Variants in RASAL2 observed in about 807,000 individuals in gnomAD.
The protein encoded by RASAL2 is RAS protein activator like 2, also known as ras GTPase-activating protein nGAP.
In RASAL2, 58 loss-of-function variants were observed where a neutral mutation model predicts 128.9. That is an observed-to-expected ratio of 0.45 (90% CI 0.36 to 0.56). The LOEUF (loss-of-function observed/expected upper bound fraction) is 0.56. Among genes scored for constraint, RASAL2 ranks in the 20% least tolerant of loss-of-function variants. RASAL2 has a pLI of 0.00. For synonymous variants in RASAL2, 561 were observed against 580.8 expected (o/e 0.97, Z 0.49); for missense variants, 1,360 against 1,601.6 (o/e 0.85, Z 2.57).
chr1:178,458,478 G>C lies in RASAL2; in HGVS notation c.3186G>C (p.Gln1062His). The C allele has an allele frequency of 1.2e-6, 2 of 1,614,138 alleles. No individual in the cohort carries two copies. Among genetic ancestry groups the C allele is most frequent in the Non-Finnish European group, 1.7e-6 (2 of 1,180,018 alleles). Residue 1062 changes from glutamine to histidine, a missense_variant, in exon 14 of 18, where the codon CAG becomes CAC. By Grantham distance (24) the Gln-to-His change is conservative. Around this residue, in one of 3 missense-constraint regions of RASAL2, gnomAD observed 741 missense variants for 868.6 expected, o/e 0.85. Transcript: ENST00000367649. ...PVQNGSRSRQ[Q>H]SSSSRESPVP... ...AGAATGGGAGCCGGTCCCGGCAGCA[G>C]TCCTCTTCCTCCAGAGAGAGCCCTG...
At chr1:178,186,255 T>C (rs1162868087) in intron 1 of RASAL2, among the ~76,000 whole-genome samples, 1 of 152,004 alleles carries the variant, frequency 6.6e-6, no homozygotes, top group Non-Finnish European at 1.5e-5. Flanking sequence ...ACTGACAATT[T>C]ATCTTCTCTC....
At chr1:178,162,928 G>T (rs1661384769) in intron 1 of RASAL2, among the ~76,000 whole-genome samples, 1 of 151,656 alleles carries the variant, frequency 6.6e-6, no homozygotes. Flanking sequence ...TCAGATACAT[G>T]ATTTGAAAAA....
At chr1:178,317,816 A>G (rs1668561991) in intron 3 of RASAL2, among the ~76,000 whole-genome samples, 1 of 150,176 alleles carries the variant, frequency 6.7e-6, no homozygotes, top group African/African-American at 2.5e-5. Flanking sequence ...GATTTTAGTT[A>G]TTTCTTGCCC....
intron 1 of RASAL2, among the ~76,000 whole-genome samples, chr1:178,184,018 A>G (rs1192684050): frequency 1.3e-5 from 2 of 152,188 alleles, no homozygotes; most frequent in Non-Finnish European, 2.9e-5. Flanking sequence ...TGTTAAAACA[A>G]CAAATCTCAC....
intron 1 of RASAL2, among the ~76,000 whole-genome samples, chr1:178,112,245 C>T (rs1485331891): frequency 6.6e-6 from 1 of 151,992 alleles, no homozygotes; most frequent in Non-Finnish European, 1.5e-5. Flanking sequence ...TGTACTTTTG[C>T]TATTTTATTT....
intron 1 of RASAL2, among the ~76,000 whole-genome samples, chr1:178,145,678 C>G (rs139166551): frequency 2.0e-5 from 3 of 152,134 alleles, no homozygotes; most frequent in African/African-American, 7.2e-5. Context: ...CAGGTAGGAA[C>G]GGGTAGTCAT....
intron 1 of RASAL2, among the ~76,000 whole-genome samples, chr1:178,126,035 G>C (rs750760111): frequency 6.6e-6 from 1 of 152,184 alleles, no homozygotes; most frequent in Non-Finnish European, 1.5e-5. Context: ...GACACTTTCT[G>C]GGTACTCAGA....
At chr1:178,164,508 T>A (rs5001545) in intron 1 of RASAL2, among the ~76,000 whole-genome samples, 1 of 94,002 alleles carries the variant, frequency 1.1e-5, no homozygotes, top group African/African-American at 3.5e-5. Context: ...TGTGTGTGCG[T>A]GTGTGTGTGT....
chr1:178,468,899 A>G (rs1266392255), intron 17 of RASAL2, among the ~76,000 whole-genome samples: 3 of 152,248 alleles, frequency 2.0e-5, no homozygotes, highest in African/African-American at 7.2e-5. Flanking sequence ...GGAAATTTCA[A>G]TATAACAATA....
At chr1:178,119,468 A>G in intron 1 of RASAL2, among the ~76,000 whole-genome samples, 1 of 152,282 alleles carries the variant, frequency 6.6e-6, no homozygotes, top group South Asian at 2.1e-4. Context: ...GCTAGCCAGC[A>G]TTTCTCTATG....
At chr1:178,324,050 A>G (rs928048435) in intron 3 of RASAL2, among the ~76,000 whole-genome samples, 3 of 152,190 alleles carry the variant, frequency 2.0e-5, no homozygotes, top group South Asian at 2.1e-4. Flanking sequence ...CCTGGATTCA[A>G]ATTCCATATG....
chr1:178,142,565 G>A (rs1444943046), intron 1 of RASAL2, among the ~76,000 whole-genome samples: 2 of 152,170 alleles, frequency 1.3e-5, no homozygotes, highest in Non-Finnish European at 2.9e-5. Context: ...TAAGGCTAAA[G>A]GCAACAGAGC....
At chr1:178,313,150 CATA>C (rs1422105382) in intron 3 of RASAL2, among the ~76,000 whole-genome samples, 5 of 152,224 alleles carry the variant, frequency 3.3e-5, no homozygotes, top group Admixed American at 1.3e-4. Context: ...CGTACATAGT[CATA>C]ATATTGTTTG....
chr1:178,257,521 C>T (rs1665427427), intron 1 of RASAL2, among the ~76,000 whole-genome samples: 1 of 151,794 alleles, frequency 6.6e-6, no homozygotes, highest in South Asian at 2.1e-4. Context: ...GACCACTCAT[C>T]ATAAGAGTAT....
intron 1 of RASAL2, among the ~76,000 whole-genome samples, chr1:178,238,375 A>G (rs1664347967): frequency 1.3e-5 from 2 of 152,150 alleles, no homozygotes; most frequent in African/African-American, 4.8e-5. Context: ...TACTATGAAC[A>G]TTCATGAACA....
intron 2 of RASAL2, among the ~76,000 whole-genome samples, chr1:178,293,377 G>C (rs1190948401): frequency 2.0e-5 from 3 of 152,192 alleles, no homozygotes; most frequent in African/African-American, 7.2e-5. Flanking sequence ...TTTGATCAAA[G>C]TTAGGTGTTA....
chr1:178,270,839 G>T (rs1666211390), intron 1 of RASAL2, among the ~76,000 whole-genome samples: 1 of 152,066 alleles, frequency 6.6e-6, no homozygotes, highest in African/African-American at 2.4e-5. Context: ...AGTATCTTTA[G>T]TTCTTTTCTC....
intron 2 of RASAL2, among the ~76,000 whole-genome samples, chr1:178,285,473 A>G (rs1246136290): frequency 6.6e-6 from 1 of 152,144 alleles, no homozygotes; most frequent in Admixed American, 6.5e-5. Flanking sequence ...GAACTTGCTC[A>G]TTCTTTTTCT....
At chr1:178,297,321 A>G (rs1336934363) in intron 2 of RASAL2, among the ~76,000 whole-genome samples, 1 of 151,918 alleles carries the variant, frequency 6.6e-6, no homozygotes, top group Admixed American at 6.6e-5. Flanking sequence ...GCTAAGAAGC[A>G]ATCTGTAGTG....
Sources: allele counts gnomAD v4.1 joint callset (sites outside exome capture counted in the v4.1 genomes callset), GRCh38; gene constraint gnomAD v4.1.1; regional missense constraint gnomAD v4.1.1; transcripts MANE v1.5; gene names NCBI Gene and HGNC (gene_info 2026-07-23, HGNC 2026-07-21).